Variants in NBR1 observed in about 807,000 individuals in gnomAD.
NBR1 encodes NBR1 autophagy cargo receptor, also known as next to BRCA1 gene 1 protein.
A neutral mutation model predicts 115.5 loss-of-function variants in NBR1; 59 were observed. That is an observed-to-expected ratio of 0.51 (90% confidence interval 0.41 to 0.63). NBR1 has a LOEUF of 0.63. Ranked by LOEUF, NBR1 falls within the 30% of genes least tolerant of loss-of-function variation. NBR1 has a pLI of 0.00. For missense variants in NBR1, 1,043 were observed against 1,150.5 expected, an observed-to-expected ratio of 0.91 and a Z score of 1.35; for synonymous variants, 373 against 414.7, an observed-to-expected ratio of 0.90 and a Z score of 1.22.
intron 17 of NBR1, 68 bp downstream of exon 17, chr17:43,200,676 T>A: frequency 7.1e-7 from 1 of 1,406,428 alleles, no homozygotes; most frequent in African/African-American, 1.4e-5. Context: ...ATCGACCTGA[T>A]CTCAAAACCT....
At chr17:43,189,362 AAGTT>A (rs1375303949) in intron 7 of NBR1, among the ~76,000 whole-genome samples, 2 of 152,206 alleles carry the variant, frequency 1.3e-5, no homozygotes, top group African/African-American at 4.8e-5. Context: ...GCTTGAGAAA[AAGTT>A]AGAAATTTAC....
intron 1 of NBR1, among the ~76,000 whole-genome samples, 166 bp downstream of exon 1, chr17:43,171,468 G>A (rs573402880): frequency 6.6e-6 from 1 of 152,338 alleles, no homozygotes; most frequent in South Asian, 2.1e-4. Context: ...TGTTCAGAGG[G>A]ACCGAGTTGG....
At chr17:43,178,843 A>G (rs1205768881) in intron 3 of NBR1, among the ~76,000 whole-genome samples, 1 of 150,814 alleles carries the variant, frequency 6.6e-6, no homozygotes, top group East Asian at 1.9e-4. Flanking sequence ...GCTTGCTGCA[A>G]CCTAGAGCTC....
rs1295627836 is a variant in NBR1 at position 43,201,719 on chromosome 17, A to G, written c.2502A>G (p.Pro834=). The part of the protein sequence containing the change: ...SSPCVHHHGS[P]GVDLPVTIPE... ...CTTGTGTACATCATCATGGTTCCCC[A>G]GGAGTGGATTTACCAGTTACCATAC... The change falls in exon 18 of 21, where the codon CCA becomes CCG. Residue 834 remains proline, a synonymous_variant. Coordinates refer to ENST00000590996, the MANE Select transcript of NBR1 (RefSeq NM_005899.5). 6.2e-7 allele frequency: 1 copy of G among 1,608,774 alleles called. No individual in the cohort carries two copies. The highest frequency in any genetic ancestry group is 1.3e-5 in the African/African-American group (1 of 74,808).
intron 10 of NBR1, 150 bp from the exon 11 acceptor site, chr17:43,192,944 T>C (rs1188036914): frequency 3.0e-6 from 2 of 662,114 alleles, no homozygotes; most frequent in Non-Finnish European, 5.0e-6. Context: ...TTCTAATATG[T>C]GGTCCTATAC....
chr17:43,199,182 C>T (rs1008046683), intron 16 of NBR1, among the ~76,000 whole-genome samples: 1 of 151,780 alleles, frequency 6.6e-6, no homozygotes, highest in African/African-American at 2.4e-5. Context: ...TCCTGGGGTC[C>T]CCCTACCTCT....
chr17:43,191,665 T>C (rs1349550676), intron 10 of NBR1, 84 bp downstream of exon 10: 2 of 856,922 alleles, frequency 2.3e-6, no homozygotes, highest in Admixed American at 2.8e-5. Context: ...GTCTTATTTA[T>C]TGGTAGCCCT....
chr17:43,189,846 A>G, intron 8 of NBR1, 44 bp downstream of exon 8: 2 of 1,518,092 alleles, frequency 1.3e-6, no homozygotes, highest in Non-Finnish European at 1.8e-6. Context: ...TAGACCTTAC[A>G]GCTTTTACCT....
intron 16 of NBR1, among the ~76,000 whole-genome samples, chr17:43,197,973 G>A (rs2057107495): frequency 6.6e-6 from 1 of 152,068 alleles, no homozygotes; most frequent in Non-Finnish European, 1.5e-5. Context: ...CCGACATGGA[G>A]AAACCCCATC....
chr17:43,183,929 G>A (rs1359858920), intron 5 of NBR1, among the ~76,000 whole-genome samples: 1 of 152,164 alleles, frequency 6.6e-6, no homozygotes, highest in Non-Finnish European at 1.5e-5. Flanking sequence ...CAAAGTGCTG[G>A]TATAACAGGT....
intron 14 of NBR1, chr17:43,195,800 GAC>G (rs1473688957): frequency 2.6e-5 from 4 of 151,794 alleles, no homozygotes; most frequent in Non-Finnish European, 1.5e-5. Context: ...CAGCCTGGAT[GAC>G]AGAGTGAAAC....
chr17:43,180,812 C>A lies in NBR1; in HGVS notation c.202C>A (p.Leu68Ile). 1 of 1,447,984 alleles carries A rather than the reference C, an allele frequency of 6.9e-7. No homozygotes were observed. Among genetic ancestry groups the A allele is most frequent in the Non-Finnish European group, 9.1e-7 (1 of 1,093,028 alleles). 89.7% of individuals were successfully genotyped at this position (1,447,984 alleles called of 1,614,324 possible). Residue 68 changes from leucine (L) to isoleucine (I), a missense_variant, in exon 5 of 21, where the codon CTT (leucine) becomes ATT (isoleucine). Leu to Ile is a conservative substitution (Grantham distance 5). Coordinates refer to ENST00000590996, the MANE Select transcript of NBR1 (RefSeq NM_005899.5). ...TCTTTTAGGAGAATATGAAGAAGCG[C>A]TTAAGGTAATGATTATTTAATCTCA... ...INSQGEYEEALKMAVKQGNQL... is the reference protein window; with the variant it reads ...INSQGEYEEAIKMAVKQGNQL...
chr17:43,188,975 C>T, intron 6 of NBR1, 67 bp from the exon 7 acceptor site: 1 of 1,095,070 alleles, frequency 9.1e-7, no homozygotes, highest in Non-Finnish European at 1.4e-6. Context: ...CAAAATAATA[C>T]ACTCCAGGAA....
chr17:43,197,952 G>A (rs1334159646), intron 16 of NBR1, among the ~76,000 whole-genome samples: 1 of 152,020 alleles, frequency 6.6e-6, no homozygotes, highest in African/African-American at 2.4e-5. Context: ...GGGAGTTCGA[G>A]ACCAGCCTGA....
chr17:43,204,913 C>CCGTA (rs1285119677), intron 20 of NBR1, among the ~76,000 whole-genome samples: 3 of 151,606 alleles, frequency 2.0e-5, no homozygotes. Context: ...GTTGAGGCTG[C>CCGTA]CGTAGTGAGC....
At chr17:43,178,101 T>C in intron 3 of NBR1, 103 bp downstream of exon 3, 2 of 1,359,660 alleles carry the variant, frequency 1.5e-6, no homozygotes, top group Non-Finnish European at 2.0e-6. Context: ...AGCTTATTTG[T>C]GTGGTGGTTT....
intron 14 of NBR1, chr17:43,195,668 AAAAT>A: frequency 6.5e-6 from 1 of 152,786 alleles, no homozygotes; most frequent in Non-Finnish European, 1.5e-5. Context: ...AAAAAAAAAA[AAAAT>A]TAGCTTGGCA....
Position 43,191,577 on chromosome 17 carries a change from C to A in NBR1, c.1069C>A (p.Leu357Met). 1 of 1,606,974 alleles carries A rather than the reference C, an allele frequency of 6.2e-7. No homozygotes were observed. The highest frequency in any genetic ancestry group is 1.1e-5 in the South Asian group (1 of 89,498). The change falls in exon 10 of 21, where the codon CTG becomes ATG. Residue 357 changes from leucine to methionine, a missense_variant. Coordinates refer to ENST00000590996, the MANE Select transcript of NBR1 (RefSeq NM_005899.5). Reference sequence around the variant, plus strand: ...TGAGAGCTTGCTCCAGTCTAATACCCTGATGTAAGCCCAGGACTGGGGTGG... The same window carrying A: ...TGAGAGCTTGCTCCAGTCTAATACCATGATGTAAGCCCAGGACTGGGGTGG... ...RPESLLQSNT[L>M]MLPLQPCTSV... is the part of the protein sequence containing the mutation.
At chr17:43,184,712 A>G (rs1454974259) in intron 5 of NBR1, among the ~76,000 whole-genome samples, 1 of 152,074 alleles carries the variant, frequency 6.6e-6, no homozygotes, top group Non-Finnish European at 1.5e-5. Flanking sequence ...ATTATAGGAC[A>G]TATCTTTAAG....
Sources: allele counts gnomAD v4.1 joint callset (sites outside exome capture counted in the v4.1 genomes callset), GRCh38; gene constraint gnomAD v4.1.1; transcripts MANE v1.5; gene names NCBI Gene and HGNC (gene_info 2026-07-23, HGNC 2026-07-21).